Variants in DPYD observed in about 807,000 individuals in gnomAD.
DPYD encodes dihydropyrimidine dehydrogenase.
Under a neutral mutation model 116.2 loss-of-function variants are expected in DPYD, and 109 were observed. The observed-to-expected ratio is 0.94, with a 90% CI of 0.80 to 1.10. DPYD has a LOEUF of 1.10. Among genes scored for constraint, DPYD ranks in the 50% least tolerant of loss-of-function variants. The probability of loss-of-function intolerance (pLI) is 0.00; values close to 1 mark genes in which losing one functional copy is unlikely to be tolerated. For missense variants in DPYD, 1,302 were observed against 1,254.5 expected (o/e 1.04, Z -0.57); for synonymous variants, 440 against 432.0 (o/e 1.02, Z -0.23).
At chr1:97,322,084 T>A (rs1267512275) in intron 16 of DPYD, among the ~76,000 whole-genome samples, 2 of 73,722 alleles carry the variant, frequency 2.7e-5, no homozygotes, top group African/African-American at 5.4e-5. Flanking sequence ...GGGACTGTGG[T>A]GGGGTGGGGG....
chr1:97,368,872 C>A (rs1247162139), intron 16 of DPYD, among the ~76,000 whole-genome samples: 1 of 152,110 alleles, frequency 6.6e-6, no homozygotes, highest in East Asian at 1.9e-4. Context: ...TGTTGCATGA[C>A]AATGCAGGCC....
At chr1:97,093,472 T>C (rs1290617189) in intron 21 of DPYD, among the ~76,000 whole-genome samples, 2 of 152,218 alleles carry the variant, frequency 1.3e-5, no homozygotes, top group African/African-American at 2.4e-5. Context: ...ATTTCAAATA[T>C]TATAGCTAAT....
intron 14 of DPYD, among the ~76,000 whole-genome samples, chr1:97,430,770 T>C (rs550252096): frequency 6.6e-6 from 1 of 152,268 alleles, no homozygotes; most frequent in African/African-American, 2.4e-5. Context: ...GATTCATGCA[T>C]TAATAGAAGT....
intron 13 of DPYD, among the ~76,000 whole-genome samples, chr1:97,470,670 G>C (rs960503658): frequency 5.3e-5 from 8 of 152,298 alleles, no homozygotes; most frequent in Admixed American, 2.6e-4. Context: ...GCCCATGTTA[G>C]TGATACAGTT....
chr1:97,546,850 G>C (rs921817649), intron 12 of DPYD: 1 of 1,611,382 alleles, frequency 6.2e-7, no homozygotes, highest in African/African-American at 1.3e-5. Context: ...GCCTGTGCCA[G>C]AAAATCACCC....
At chr1:97,819,729 T>C (rs1668821677) in intron 3 of DPYD, among the ~76,000 whole-genome samples, 2 of 152,026 alleles carry the variant, frequency 1.3e-5, no homozygotes, top group Non-Finnish European at 2.9e-5. Flanking sequence ...GTCCTTCCAC[T>C]CTTCCATTTT....
intron 3 of DPYD, among the ~76,000 whole-genome samples, chr1:97,824,792 C>G (rs1476467468): frequency 1.3e-5 from 2 of 152,102 alleles, no homozygotes; most frequent in Middle Eastern, 3.2e-3. Flanking sequence ...TTTCCTAAGC[C>G]CTGTATTTTC....
At chr1:97,085,171 A>T (rs1007849762) in intron 21 of DPYD, among the ~76,000 whole-genome samples, 3 of 152,238 alleles carry the variant, frequency 2.0e-5, no homozygotes, top group African/African-American at 7.2e-5. Context: ...TTTTAAATCT[A>T]GTAAATAAAT....
At position 97,194,140 on chromosome 1, in the gene DPYD, T is replaced by C. The variant is rs566611514; in HGVS notation, c.2443-892A>G. ...TAGTCTGCTCTCCACAAATATAAGA[T>C]GAATGAATAATGATGATATGGTTTG... On this transcript the variant is annotated intron_variant, in intron 19 of 22. Coordinates refer to ENST00000370192, the MANE Select transcript of DPYD (RefSeq NM_000110.4). Among the ~76,000 whole-genome samples, 107 of 152,290 alleles carry C rather than the reference T, an allele frequency of 7.0e-4. 1 individual carries two copies. The highest frequency in any genetic ancestry group is 6.9e-3 in the Admixed American group (106 of 15,288).
In DPYD at chr1:97,828,167, A is replaced by G; in HGVS notation, c.180T>C (p.Asp60=). 6.2e-7 allele frequency: 1 copy of G among 1,613,640 alleles called. No individual in the cohort carries two copies. The highest frequency in any genetic ancestry group is 8.5e-7 in the Non-Finnish European group (1 of 1,179,818). The stretch of plus-strand genomic sequence containing the variant: ...CACCAAGAGTCGTGTGCTTGATGTC[A>G]TCAAAATTATTCTCCAGCTTCTCAC... ...FNCEKLENNF[D]DIKHTTLGER... is the part of the protein sequence containing the mutation. Residue 60 remains aspartate, a synonymous_variant, in exon 3 of 23, where the codon GAT becomes GAC. Coordinates refer to ENST00000370192, the MANE Select transcript of DPYD (RefSeq NM_000110.4).
chr1:97,362,751 T>C (rs1267548302), intron 16 of DPYD, among the ~76,000 whole-genome samples: 2 of 152,214 alleles, frequency 1.3e-5, no homozygotes, highest in Admixed American at 6.5e-5. Context: ...GCTAGCCATA[T>C]GTAGGAAGCT....
chr1:97,382,897 A>AG (rs1189658000), intron 14 of DPYD, among the ~76,000 whole-genome samples: 1 of 152,126 alleles, frequency 6.6e-6, no homozygotes, highest in African/African-American at 2.4e-5. Flanking sequence ...AAAGAAAAAA[A>AG]ATAGTGTCTC....
chr1:97,883,867 T>C (rs1571526987), intron 1 of DPYD: 2 of 461,716 alleles, frequency 4.3e-6, no homozygotes, highest in Non-Finnish European at 8.4e-6. Context: ...ATCAGAAGAA[T>C]GACCCCAAAT....
At chr1:97,551,009 C>T (rs1291579193) in intron 11 of DPYD, among the ~76,000 whole-genome samples, 10 of 152,074 alleles carry the variant, frequency 6.6e-5, no homozygotes, top group Non-Finnish European at 7.4e-5. Flanking sequence ...ATCATAGGTT[C>T]CATGAGAACA....
At chr1:97,122,509 A>G (rs575641492) in intron 20 of DPYD, among the ~76,000 whole-genome samples, 1 of 152,248 alleles carries the variant, frequency 6.6e-6, no homozygotes, top group African/African-American at 2.4e-5. Flanking sequence ...CATTTCAAAG[A>G]CTTCCCATCA....
chr1:97,404,344 A>T lies in DPYD; in HGVS notation c.1906-21883T>A, dbSNP rs77849248. Among the ~76,000 whole-genome samples the T allele has an allele frequency of 5.9e-3, 896 of 151,994 alleles. 8 individuals carry two copies. The highest frequency in any genetic ancestry group is 0.021 in the African/African-American group (852 of 41,440). On this transcript the variant is annotated intron_variant, in intron 14 of 22. Coordinates refer to ENST00000370192, the MANE Select transcript of DPYD (RefSeq NM_000110.4). Reference sequence around the variant, plus strand: ...GTTGAGTTTAACTATGTGCTTACTGATTTTCTACCTGCTGGATCTGTCCAT... The same window carrying T: ...GTTGAGTTTAACTATGTGCTTACTGTTTTTCTACCTGCTGGATCTGTCCAT...
chr1:97,720,135 G>A, intron 5 of DPYD: 1 of 978,710 alleles, frequency 1.0e-6, no homozygotes, highest in Non-Finnish European at 1.2e-6. Flanking sequence ...GTATTTCCCT[G>A]TCTCTCTCTC....
At chr1:97,766,208 T>C (rs898585193) in intron 3 of DPYD, among the ~76,000 whole-genome samples, 3 of 152,044 alleles carry the variant, frequency 2.0e-5, no homozygotes, top group African/African-American at 7.2e-5. Context: ...GCCATTGCAC[T>C]CCAGCCTAGG....
intron 14 of DPYD, among the ~76,000 whole-genome samples, chr1:97,447,552 T>C (rs565042784): frequency 7.9e-5 from 12 of 152,314 alleles, no homozygotes; most frequent in South Asian, 4.1e-4. Flanking sequence ...GAATGATGTG[T>C]ATAATCTAAA....
Sources: gnomAD v4.1 joint callset for allele counts (sites outside exome capture counted in the v4.1 genomes callset) on GRCh38, gnomAD v4.1.1 for gene constraint, MANE v1.5 for transcripts, NCBI Gene and HGNC (gene_info 2026-07-23, HGNC 2026-07-21) for gene names.